The following IKBKB variants were observed in gnomAD, a reference collection of about 807,000 sequenced individuals.
IKBKB encodes inhibitor of nuclear factor kappa B kinase subunit beta.
A neutral mutation model predicts 113.6 loss-of-function variants in IKBKB; 42 were observed. The observed-to-expected ratio is 0.37, with a 90% CI of 0.29 to 0.48. IKBKB has a LOEUF of 0.48. Ranked by LOEUF, IKBKB falls within the 20% of genes least tolerant of loss-of-function variation. IKBKB has a pLI of 0.99. For synonymous variants in IKBKB, 296 were observed against 361.3 expected, an observed-to-expected ratio of 0.82 and a Z score of 2.05; for missense variants, 673 against 939.7, an observed-to-expected ratio of 0.72 and a Z score of 3.71.
Position 42,330,994 on chromosome 8 carries a change from ACCCCCTGACATGGGGCAG to A in IKBKB, c.*19_*36del, listed in dbSNP as rs1314572216. ...AGGCCTCATGATGTGGGGGGACTCGACCCCCTGACATGGGGCAGCCCATAGCAGGCCTTGTGCAGTGGG... is the reference window on the plus strand; with the variant it reads ...AGGCCTCATGATGTGGGGGGACTCGACCCATAGCAGGCCTTGTGCAGTGGG... On this transcript the variant is annotated 3_prime_UTR_variant, in exon 22 of 22. Coordinates refer to ENST00000520810, the MANE Select transcript of IKBKB (RefSeq NM_001556.3). The A allele has an allele frequency of 3.7e-6, 6 of 1,613,006 alleles. No homozygotes were observed. Among genetic ancestry groups the A allele is most frequent in the Non-Finnish European group, 5.1e-6 (6 of 1,179,832 alleles).
intron 7 of IKBKB, among the ~76,000 whole-genome samples, chr8:42,307,572 TG>T (rs760469436): frequency 5.3e-5 from 8 of 152,162 alleles, no homozygotes; most frequent in Non-Finnish European, 7.3e-5. Context: ...TGTCATAGGT[TG>T]CTTGATGATG....
rs2272736 is a variant in IKBKB at position 42,319,645 on chromosome 8, G to A, written c.1577G>A (p.Arg526Gln). The change falls in exon 15 of 22, where the codon CGG becomes CAG. Residue 526 changes from arginine (R) to glutamine (Q), a missense_variant and splice_region_variant. Transcript: ENST00000520810. ...EMEQAVELCG[R>Q]ENEVKLLVER... ...GAGCAGGCTGTGGAGCTCTGTGGGC[G>A]GGTAGGAGACTCATTTTGGGTTTCG... The A allele has an allele frequency of 3.8e-3, 6,029 of 1,586,780 alleles. 315 individuals carry two copies. The East Asian group carries it at 0.12, about 31-fold the overall frequency.
intron 5 of IKBKB, chr8:42,298,242 G>C: frequency 2.0e-6 from 2 of 985,388 alleles, no homozygotes; most frequent in Non-Finnish European, 1.2e-6. Context: ...TCTGCTGGGC[G>C]GGCCTGGGTC....
intron 2 of IKBKB, among the ~76,000 whole-genome samples, chr8:42,285,273 C>T (rs1811185725): frequency 6.6e-6 from 1 of 152,094 alleles, no homozygotes; most frequent in East Asian, 1.9e-4. Context: ...TGGCCGGGTG[C>T]AGGGGCTTAG....
rs1439284883 is a variant in IKBKB at position 42,331,461 on chromosome 8, C to G, written c.*482C>G. On this transcript the variant is annotated 3_prime_UTR_variant, in exon 22 of 22. Coordinates refer to ENST00000520810, the MANE Select transcript of IKBKB (RefSeq NM_001556.3). ...CTGTCCTCTCCTGCTCTCCAAAGGC[C>G]CTGCTCCCTGTCCTCTCTCACTTTA... The G allele has an allele frequency of 1.4e-6, 1 of 699,664 alleles. No homozygotes were observed. Among genetic ancestry groups the G allele is most frequent in the Non-Finnish European group, 2.6e-6 (1 of 383,470 alleles). The allele number at this position is 699,664 out of a possible 1,614,324, so 43.3% of individuals were successfully genotyped here. A position where few individuals can be genotyped will look rare whatever the true frequency, so the allele number is the denominator to read the frequency against.
chr8:42,326,541 G>A (rs1185811532), intron 20 of IKBKB: 1 of 159,484 alleles, frequency 6.3e-6, no homozygotes, highest in Non-Finnish European at 1.4e-5. Flanking sequence ...AGCAGAGGTG[G>A]GGGCAGGGCT....
chr8:42,274,443 C>T (rs1182648000), intron 2 of IKBKB, among the ~76,000 whole-genome samples: 1 of 152,068 alleles, frequency 6.6e-6, no homozygotes, highest in Non-Finnish European at 1.5e-5. Context: ...CTCCCTATTT[C>T]CCTCCACAAC....
chr8:42,283,325 G>A (rs1332894071), intron 2 of IKBKB, among the ~76,000 whole-genome samples: 1 of 152,100 alleles, frequency 6.6e-6, no homozygotes, highest in Non-Finnish European at 1.5e-5. Context: ...CAAGAAATCT[G>A]GATCCTAATC....
intron 21 of IKBKB, chr8:42,330,136 A>T (rs1240890252): frequency 3.0e-6 from 3 of 985,268 alleles, no homozygotes; most frequent in African/African-American, 1.7e-5. Context: ...TCCATAACTG[A>T]GATTAGCTAC....
chr8:42,274,979 C>T (rs1447692827), intron 2 of IKBKB, among the ~76,000 whole-genome samples: 3 of 151,230 alleles, frequency 2.0e-5, no homozygotes, highest in Admixed American at 1.3e-4. Context: ...CAGGTTCAAG[C>T]GATTCTCCAG....
chr8:42,289,417 A>C (rs1197879817), intron 3 of IKBKB, among the ~76,000 whole-genome samples: 1 of 152,182 alleles, frequency 6.6e-6, no homozygotes, highest in Non-Finnish European at 1.5e-5. Flanking sequence ...TTTGTCAGCA[A>C]AAAAAGCCTT....
At chr8:42,274,036 T>A (rs970113579) in intron 2 of IKBKB, among the ~76,000 whole-genome samples, 2 of 150,506 alleles carry the variant, frequency 1.3e-5, no homozygotes, top group African/African-American at 4.9e-5. Context: ...TATACAATAT[T>A]TTTTTTTTTC....
intron 20 of IKBKB, among the ~76,000 whole-genome samples, chr8:42,328,734 T>A (rs6474387): frequency 6.6e-6 from 1 of 152,088 alleles, no homozygotes; most frequent in Non-Finnish European, 1.5e-5. Flanking sequence ...GAACTGTGAA[T>A]CCTGATAAAT....
In IKBKB at chr8:42,272,092, G is replaced by A. The variant is rs780533794; in HGVS notation, c.-9G>A. On this transcript the variant is annotated 5_prime_UTR_variant, in exon 2 of 22. Coordinates refer to ENST00000520810, the MANE Select transcript of IKBKB (RefSeq NM_001556.3). ...CCCAAATTGCTTATAGAGTTAGCAC[G>A]ACATCAGTATGAGCTGGTCACCTTC... 5 of 1,613,366 alleles carry A rather than the reference G, an allele frequency of 3.1e-6. No homozygotes were observed. The highest frequency in any genetic ancestry group is 4.2e-6 in the Non-Finnish European group (5 of 1,179,692).
intron 11 of IKBKB, 114 bp downstream of exon 11, chr8:42,317,018 G>C (rs1330405434): frequency 3.0e-6 from 3 of 1,016,232 alleles, no homozygotes; most frequent in Non-Finnish European, 3.0e-6. Context: ...TAATCACACA[G>C]TGCGGATACC....
At chr8:42,278,230 G>A (rs1235153412) in intron 2 of IKBKB, among the ~76,000 whole-genome samples, 1 of 152,194 alleles carries the variant, frequency 6.6e-6, no homozygotes, top group African/African-American at 2.4e-5. Context: ...TGGCAAGTGG[G>A]CAAGACTGAA....
chr8:42,329,809 G>A, intron 21 of IKBKB: 1 of 985,328 alleles, frequency 1.0e-6, no homozygotes, highest in Non-Finnish European at 1.2e-6. Flanking sequence ...CCAAGTTACA[G>A]GTACATTAAG....
chr8:42,295,026 A>G lies in IKBKB; in HGVS notation c.388+1514A>G, dbSNP rs1380506010. Among the ~76,000 whole-genome samples the G allele has an allele frequency of 5.5e-5, 7 of 126,748 alleles. No homozygotes were observed. The South Asian group carries it at 1.5e-3, about 27-fold the overall frequency. 83.2% of individuals were successfully genotyped at this position (126,748 alleles called of 152,430 possible). On this transcript the variant is annotated intron_variant, in intron 5 of 21. Coordinates refer to ENST00000520810, the MANE Select transcript of IKBKB (RefSeq NM_001556.3). ...TCTTTGGTTAAAGCTTTGTCAAGTTATTATTTTTTTTTTGGATGTTTTTCT... is the reference window on the plus strand; with the variant it reads ...TCTTTGGTTAAAGCTTTGTCAAGTTGTTATTTTTTTTTTGGATGTTTTTCT...
At chr8:42,306,886 C>T (rs1189012071) in intron 7 of IKBKB, among the ~76,000 whole-genome samples, 5 of 152,168 alleles carry the variant, frequency 3.3e-5, no homozygotes, top group Non-Finnish European at 5.9e-5. Context: ...CCTTTGTTTA[C>T]GTTATTTGGT....
Sources: gnomAD v4.1 joint callset for allele counts (sites outside exome capture counted in the v4.1 genomes callset) on GRCh38, gnomAD v4.1.1 for gene constraint, MANE v1.5 for transcripts, NCBI Gene and HGNC (gene_info 2026-07-23, HGNC 2026-07-21) for gene names.